RUNDC1: variants seen among roughly 807,000 people sequenced by gnomAD.
RUNDC1 encodes RUN domain-containing protein 1.
RUNDC1 carries 31 observed loss-of-function variants against 49.3 expected under a neutral mutation model. The observed-to-expected ratio is 0.63, with a 90% CI of 0.47 to 0.85. The LOEUF (loss-of-function observed/expected upper bound fraction) is 0.85, where lower values mean the gene tolerates loss of function less well. Among genes scored for constraint, RUNDC1 ranks in the 40% least tolerant of loss-of-function variants. RUNDC1 has a pLI of 0.00. For missense variants in RUNDC1, 715 were observed against 806.7 expected, an observed-to-expected ratio of 0.89 and a Z score of 1.38; for synonymous variants, 347 against 348.6, an observed-to-expected ratio of 1.00 and a Z score of 0.05.
At chr17:42,990,110 A>T (rs1345477423) in intron 3 of RUNDC1, among the ~76,000 whole-genome samples, 1 of 152,196 alleles carries the variant, frequency 6.6e-6, no homozygotes, top group South Asian at 2.1e-4. Context: ...CTCTCTTGTC[A>T]TCCATAAAAT....
At position 42,987,222 on chromosome 17, in the gene RUNDC1, C is replaced by T. The variant is rs982913785; in HGVS notation, c.499-34C>T. The T allele has an allele frequency of 5.0e-6, 8 of 1,600,440 alleles. No homozygotes were observed. In the African/African-American group the frequency reaches 8.0e-5, roughly 16 times the overall value. On this transcript the variant is annotated intron_variant, in intron 1 of 4. Coordinates refer to ENST00000361677, the MANE Select transcript of RUNDC1 (RefSeq NM_173079.5). The stretch of plus-strand genomic sequence containing the variant: ...TAATGTGCCCTGAGTTTCCCTTTGC[C>T]TGCATAATAGACCCAATTATTTTCT...
Position 42,990,453 on chromosome 17 carries a change from G to C in RUNDC1, c.976+17G>C, listed in dbSNP as rs368957258. On this transcript the variant is annotated intron_variant, in intron 4 of 4. Transcript: ENST00000361677. ...ACAGCAAAAGTAAGTGCAGTTTCCA[G>C]AACAGGCAAATCTCTAGAGACAGAA... 39 of 1,613,040 alleles carry C rather than the reference G, an allele frequency of 2.4e-5. No homozygotes were observed. Among genetic ancestry groups the C allele is most frequent in the Non-Finnish European group, 3.3e-5 (39 of 1,179,686 alleles).
At position 42,980,836 on chromosome 17, in the gene RUNDC1, G is replaced by T; in HGVS notation, c.260G>T (p.Arg87Leu). The T allele has an allele frequency of 7.2e-7, 1 of 1,379,796 alleles. No homozygotes were observed. The highest frequency in any genetic ancestry group is 1.7e-5 in the South Asian group (1 of 59,168). The allele number at this position is 1,379,796 out of a possible 1,614,324, so 85.5% of individuals were successfully genotyped here. A position where few individuals can be genotyped will look rare whatever the true frequency, so the allele number is the denominator to read the frequency against. ...GRTLRRLRAE[R>L]RRLDSALLAL... ...ACGCTGCGGCGGCTGCGGGCAGAGCGGCGGCGGCTGGACTCGGCGCTGCTG... is the reference window on the plus strand; with the variant it reads ...ACGCTGCGGCGGCTGCGGGCAGAGCTGCGGCGGCTGGACTCGGCGCTGCTG... The change falls in exon 1 of 5, where the codon CGG (arginine) becomes CTG (leucine). Residue 87 changes from arginine to leucine, a missense_variant. Coordinates refer to ENST00000361677, the MANE Select transcript of RUNDC1 (RefSeq NM_173079.5).
In RUNDC1 at chr17:42,994,986, A is replaced by C. The variant is rs888677347; in HGVS notation, c.*3270A>C. Among the ~76,000 whole-genome samples the C allele has an allele frequency of 6.6e-6, 1 of 152,180 alleles. No individual in the cohort carries two copies. Among genetic ancestry groups the C allele is most frequent in the South Asian group, 2.1e-4 (1 of 4,832 alleles). On this transcript the variant is annotated 3_prime_UTR_variant, in exon 5 of 5. Coordinates refer to ENST00000361677, the MANE Select transcript of RUNDC1 (RefSeq NM_173079.5). ...TAAGGTGCTCTCCAATCATTCATTC[A>C]CTATTGATCACTTAGCAACTGCCTG...
intron 1 of RUNDC1, chr17:42,981,606 A>G (rs528182478): frequency 6.5e-6 from 1 of 152,870 alleles, no homozygotes; most frequent in South Asian, 2.0e-4. Context: ...TAGTAACTGA[A>G]ATAAACACAA....
Position 42,981,057 on chromosome 17 carries a change from T to G in RUNDC1, c.481T>G (p.Leu161Val). 1 of 1,562,110 alleles carries G rather than the reference T, an allele frequency of 6.4e-7. No homozygotes were observed. Among genetic ancestry groups the G allele is most frequent in the Non-Finnish European group, 8.6e-7 (1 of 1,161,936 alleles). The stretch of plus-strand genomic sequence containing the variant: ...TGGGCTGCCAGGGGACCGGCCATGG[T>G]TGCGGGGCGAGGACCAGGTGAGTGG... ...GDGLPGDRPWLRGEDQSEQEK... is the reference protein window; with the variant it reads ...GDGLPGDRPWVRGEDQSEQEK... The change falls in exon 1 of 5, where the codon TTG (leucine) becomes GTG (valine). Residue 161 changes from leucine to valine, a missense_variant. Transcript: ENST00000361677.
At chr17:42,981,195 T>G (rs1226765382) in intron 1 of RUNDC1, 121 bp downstream of exon 1, 2 of 1,288,460 alleles carry the variant, frequency 1.6e-6, no homozygotes, top group East Asian at 5.8e-5. Context: ...GGTGAGTACG[T>G]GTGTCGGAGA....
chr17:42,982,744 C>T (rs1429377224), intron 1 of RUNDC1, among the ~76,000 whole-genome samples: 2 of 149,572 alleles, frequency 1.3e-5, no homozygotes, highest in Non-Finnish European at 3.0e-5. Context: ...GAGGCCAAGG[C>T]GGGCGGATCA....
intron 1 of RUNDC1, 107 bp downstream of exon 1, chr17:42,981,181 G>A: frequency 7.4e-7 from 1 of 1,357,552 alleles, no homozygotes; most frequent in Non-Finnish European, 9.8e-7. Flanking sequence ...TCCCCGACTC[G>A]GTCGGTGAGT....
chr17:42,980,992 G>A lies in RUNDC1; in HGVS notation c.416G>A (p.Gly139Asp). Residue 139 changes from glycine (G) to aspartate (D), a missense_variant, in exon 1 of 5, where the codon GGT becomes GAT. Physicochemically the swap from Gly to Asp is moderately conservative, Grantham distance 94 (BLOSUM62 -1). This residue lies in a region of RUNDC1 where 113 missense variants were observed against 93.4 expected (regional missense o/e 1.21). Transcript: ENST00000361677. ...FAFRGCPHVL[G>D]YEGPGDPASD... ...TTCCGCGGCTGCCCTCACGTCCTAG[G>A]TTACGAAGGGCCCGGCGACCCCGCC... 2 of 1,546,204 alleles carry A rather than the reference G, an allele frequency of 1.3e-6. No individual in the cohort carries two copies. Among genetic ancestry groups the A allele is most frequent in the Non-Finnish European group, 1.7e-6 (2 of 1,152,206 alleles).
At position 42,992,724 on chromosome 17, in the gene RUNDC1, G is replaced by T. The variant is rs141682294; in HGVS notation, c.*1008G>T. 3 of 152,316 alleles carry T rather than the reference G, an allele frequency of 2.0e-5. No homozygotes were observed. The highest frequency in any genetic ancestry group is 3.9e-4 in the East Asian group (2 of 5,188). 9.4% of individuals were successfully genotyped at this position (152,316 alleles called of 1,614,324 possible). On this transcript the variant is annotated 3_prime_UTR_variant, in exon 5 of 5. Coordinates refer to ENST00000361677, the MANE Select transcript of RUNDC1 (RefSeq NM_173079.5). ...TCTTCCTGACCCCAAGGTCAGAGGAGACTATATATTCCATGGCTGCCTCTA... is the reference window on the plus strand; with the variant it reads ...TCTTCCTGACCCCAAGGTCAGAGGATACTATATATTCCATGGCTGCCTCTA...
chr17:42,981,316 G>A (rs1403789927), intron 1 of RUNDC1: 1 of 539,276 alleles, frequency 1.9e-6, no homozygotes, highest in East Asian at 3.5e-5. Context: ...GCGTGATGAC[G>A]TGAGTGGTAG....
In RUNDC1 at chr17:42,989,543, A is replaced by G; in HGVS notation, c.856+4A>G. The G allele has an allele frequency of 6.2e-7, 1 of 1,612,976 alleles. No individual in the cohort carries two copies. The highest frequency in any genetic ancestry group is 1.3e-5 in the African/African-American group (1 of 75,036). On this transcript the variant is annotated splice_donor_region_variant and intron_variant, in intron 3 of 4. Transcript: ENST00000361677. Reference sequence around the variant, plus strand: ...ATGTTTATCAACTTCATCCAAGGTTAGAGGAGGGGATGGGATGAGAAGGGT... The same window carrying G: ...ATGTTTATCAACTTCATCCAAGGTTGGAGGAGGGGATGGGATGAGAAGGGT...
Position 42,987,105 on chromosome 17 carries a change from A to C in RUNDC1, c.499-151A>C. ...TGCCTAGGATGAAATAATTATTCTT[A>C]CTTTTGAATCTATCGTATGAATTGT... is the stretch of plus-strand genomic sequence containing the variant. On this transcript the variant is annotated intron_variant, in intron 1 of 4. Transcript: ENST00000361677. The C allele has an allele frequency of 1.2e-5, 7 of 564,322 alleles. No homozygotes were observed. The South Asian group carries it at 2.0e-4, about 16-fold the overall frequency. The allele number at this position is 564,322 out of a possible 1,614,324, so 35.0% of individuals were successfully genotyped here.
Position 42,980,639 on chromosome 17 carries a change from G to T in RUNDC1, c.63G>T (p.Ala21=). The part of the protein sequence containing the change: ...VTVVAAVGPK[A]KDEEEEEEEP... ...TGGTGGCGGCTGTTGGGCCAAAGGC[G>T]AAAGACGAAGAGGAGGAGGAAGAGG... Residue 21 remains alanine, a synonymous_variant, in exon 1 of 5, where the codon GCG becomes GCT. Coordinates refer to ENST00000361677, the MANE Select transcript of RUNDC1 (RefSeq NM_173079.5). The T allele has an allele frequency of 6.2e-7, 1 of 1,603,450 alleles. No individual in the cohort carries two copies.
At position 42,980,688 on chromosome 17, in the gene RUNDC1, G is replaced by C; in HGVS notation, c.112G>C (p.Val38Leu). ...GGAGCCGCTGCCACCGTGCGAGGCG[G>C]TGCGCTGGGCCCCAGTGGGGGCGGT... ...EEEPLPPCEA[V>L]RWAPVGAVAE... The change falls in exon 1 of 5, where the codon GTG becomes CTG. Residue 38 changes from valine to leucine, a missense_variant. Physicochemically the swap from Val to Leu is conservative, Grantham distance 32. Coordinates refer to ENST00000361677, the MANE Select transcript of RUNDC1 (RefSeq NM_173079.5). The C allele has an allele frequency of 6.4e-7, 1 of 1,571,194 alleles. No individual in the cohort carries two copies. Among genetic ancestry groups the C allele is most frequent in the Non-Finnish European group, 8.6e-7 (1 of 1,161,730 alleles).
intron 1 of RUNDC1, among the ~76,000 whole-genome samples, chr17:42,985,183 G>T (rs545515797): frequency 6.6e-6 from 1 of 152,154 alleles, no homozygotes; most frequent in East Asian, 1.9e-4. Flanking sequence ...CACTGCGTTC[G>T]GCCATACTTT....
chr17:42,991,769 T>C lies in RUNDC1; in HGVS notation c.*53T>C. 6.5e-7 allele frequency: 1 copy of C among 1,535,918 alleles called. No individual in the cohort carries two copies. The highest frequency in any genetic ancestry group is 1.2e-5 in the South Asian group (1 of 80,934). ...CCTTGTTCAGTAGGGATAGATGTGC[T>C]AGTCTTCTAGCATAGGAGCAAGGAA... On this transcript the variant is annotated 3_prime_UTR_variant, in exon 5 of 5. Coordinates refer to ENST00000361677, the MANE Select transcript of RUNDC1 (RefSeq NM_173079.5).
At chr17:42,988,248 G>A (rs756691326) in intron 2 of RUNDC1, among the ~76,000 whole-genome samples, 1 of 110,484 alleles carries the variant, frequency 9.1e-6, no homozygotes, top group Admixed American at 1.2e-4. Context: ...TGGAGTTTAC[G>A]ATATCAGATT....
Sources: gnomAD v4.1 joint callset for allele counts (sites outside exome capture counted in the v4.1 genomes callset) on GRCh38, gnomAD v4.1.1 for gene constraint, gnomAD v4.1.1 regional missense constraint, MANE v1.5 for transcripts, NCBI Gene and HGNC (gene_info 2026-07-23, HGNC 2026-07-21) for gene names.